Variants in HIPK1 observed in about 807,000 individuals in gnomAD.
HIPK1 encodes the protein homeodomain interacting protein kinase 1.
In HIPK1, 28 loss-of-function variants were observed where a neutral mutation model predicts 117.1. The ratio of observed to expected loss-of-function variants is 0.24; its 90% CI spans 0.18 to 0.33. The LOEUF is 0.33. Among genes scored for constraint, HIPK1 ranks in the 10% least tolerant of loss-of-function variants. HIPK1 has a pLI of 1.00. For synonymous variants in HIPK1, 605 were observed against 562.5 expected (o/e 1.08, Z -1.07); for missense variants, 1,122 against 1,475.1 (o/e 0.76, Z 3.92).
chr1:113,937,705 T>C (rs1339556259), intron 1 of HIPK1, among the ~76,000 whole-genome samples: 1 of 152,086 alleles, frequency 6.6e-6, no homozygotes, highest in Admixed American at 6.6e-5. Flanking sequence ...ATAAATACTT[T>C]CAAGTTAACA....
chr1:113,929,969 G>A (rs932401866), intron 1 of HIPK1: 3 of 985,116 alleles, frequency 3.0e-6, no homozygotes, highest in Non-Finnish European at 3.6e-6. Context: ...AGGGGTCCTC[G>A]GCGGGGAGCG....
Position 113,940,811 on chromosome 1 carries a change from C to A in HIPK1, c.428C>A (p.Pro143His). ...AGTGTGCAGATCATAGAAGAACATC[C>A]CCCTCTCATGCTGCAAAACAGGACT... ...NGSVQIIEEHPPLMLQNRTVV... is the reference protein window; with the variant it reads ...NGSVQIIEEHHPLMLQNRTVV... The change falls in exon 2 of 16, where the codon CCC becomes CAC. Residue 143 changes from proline to histidine, a missense_variant. This residue lies in a region of HIPK1 where 192 missense variants were observed against 234.0 expected (regional missense o/e 0.82). Transcript: ENST00000426820. 1 of 1,614,004 alleles carries A rather than the reference C, an allele frequency of 6.2e-7. No individual in the cohort carries two copies. Among genetic ancestry groups the A allele is most frequent in the East Asian group, 2.2e-5 (1 of 44,870 alleles).
At chr1:113,932,937 G>C (rs536257228) in intron 1 of HIPK1, among the ~76,000 whole-genome samples, 19 of 152,142 alleles carry the variant, frequency 1.2e-4, no homozygotes, top group Middle Eastern at 3.4e-3. Flanking sequence ...TTTTCCTTCA[G>C]CCTTTGCTGG....
Position 113,973,079 on chromosome 1 carries a change from CCCG to C in HIPK1, c.3202_3204del (p.Arg1069del). The C allele has an allele frequency of 6.5e-7, 1 of 1,535,388 alleles. No individual in the cohort carries two copies. Among genetic ancestry groups the C allele is most frequent in the Non-Finnish European group, 8.8e-7 (1 of 1,141,186 alleles). On this transcript the variant is annotated inframe_deletion, in exon 16 of 16. Transcript: ENST00000426820. The stretch of plus-strand genomic sequence containing the variant: ...CAGGAGAGAAGCAGCAACCCAGCCC[CCCG>C]CAGGCAGCAGGCGTTTGTGGCCCCT...
At chr1:113,963,271 A>G in intron 9 of HIPK1, 116 bp from the exon 10 acceptor site, 1 of 1,199,162 alleles carries the variant, frequency 8.3e-7, no homozygotes, top group Non-Finnish European at 1.2e-6. Flanking sequence ...TGCATTTTAG[A>G]TGCTATCAAA....
intron 1 of HIPK1, among the ~76,000 whole-genome samples, chr1:113,934,784 G>GAAAAAAAA (rs564619583): frequency 1.9e-5 from 1 of 51,524 alleles, no homozygotes; most frequent in African/African-American, 7.6e-5. Context: ...CCTCATCTCT[G>GAAAAAAAA]AAAAAAAAAA....
chr1:113,972,163 C>A, intron 15 of HIPK1: 1 of 1,379,268 alleles, frequency 7.3e-7, no homozygotes, highest in Non-Finnish European at 9.7e-7. Context: ...TCTAGGTTTT[C>A]CATCAGACCT....
rs192130199 is a variant in HIPK1 at position 113,947,987 on chromosome 1, A to T, written c.1077-4779A>T. Among the ~76,000 whole-genome samples the T allele has an allele frequency of 3.7e-3, 564 of 152,340 alleles. 1 individual carries two copies. Among genetic ancestry groups the T allele is most frequent in the Non-Finnish European group, 6.2e-3 (420 of 68,024 alleles). ...ACTCTGTTTCCTTATTACACAAATG[A>T]GGTAGAACCAGAGTTTTACGTGTCT... On this transcript the variant is annotated intron_variant, in intron 2 of 15. Coordinates refer to ENST00000426820, the MANE Select transcript of HIPK1 (RefSeq NM_198268.3).
chr1:113,966,922 A>ACT lies in HIPK1; in HGVS notation c.2381+655_2381+656dup, dbSNP rs559561271. ...CTTACCAGCCTCTGGTAACCATCCTACTCTCTATGTCCATGAATTAAATTG... is the reference window on the plus strand; with the variant it reads ...CTTACCAGCCTCTGGTAACCATCCTACTCTCTCTATGTCCATGAATTAAATTG... On this transcript the variant is annotated intron_variant, in intron 11 of 15. Coordinates refer to ENST00000426820, the MANE Select transcript of HIPK1 (RefSeq NM_198268.3). Among the ~76,000 whole-genome samples the ACT allele has an allele frequency of 2.6e-3, 381 of 146,400 alleles. 1 individual carries two copies. The highest frequency in any genetic ancestry group is 4.4e-3 in the Non-Finnish European group (294 of 67,054).
Position 113,929,410 on chromosome 1 carries a change from G to A in HIPK1, c.-125G>A. ...AGTGCGGAGGGGGCGGGAAGTCCAG[G>A]CCCCGCACTCGATCCACGCTGGCTC... is the stretch of plus-strand genomic sequence containing the variant. On this transcript the variant is annotated 5_prime_UTR_variant, in exon 1 of 16. Coordinates refer to ENST00000426820, the MANE Select transcript of HIPK1 (RefSeq NM_198268.3). 1 of 1,289,344 alleles carries A rather than the reference G, an allele frequency of 7.8e-7. No individual in the cohort carries two copies. Among genetic ancestry groups the A allele is most frequent in the Non-Finnish European group, 1.0e-6 (1 of 988,854 alleles). The allele number at this position is 1,289,344 out of a possible 1,614,324, so 79.9% of individuals were successfully genotyped here.
Position 113,933,241 on chromosome 1 carries a change from A to C in HIPK1, c.-3+3709A>C, listed in dbSNP as rs573924354. 6 of 960,824 alleles carry C rather than the reference A, an allele frequency of 6.2e-6. 1 individual carries two copies. In the East Asian group the frequency reaches 6.9e-4, roughly 110 times the overall value. The allele number at this position is 960,824 out of a possible 1,614,324, so 59.5% of individuals were successfully genotyped here. A position where few individuals can be genotyped will look rare whatever the true frequency, so the allele number is the denominator to read the frequency against. ...TTAAGCAGAGACTAGAAGGGTAAGT[A>C]AAAGTTAGGAAAAGAAAAGCCTAAG... On this transcript the variant is annotated intron_variant, in intron 1 of 15. Coordinates refer to ENST00000426820, the MANE Select transcript of HIPK1 (RefSeq NM_198268.3).
rs1190600843 is a variant in HIPK1, at chr1:113,954,813, C to G, written c.1320+43C>G. The G allele has an allele frequency of 3.3e-6, 5 of 1,528,104 alleles. No homozygotes were observed. The African/African-American group carries it at 4.1e-5, about 13-fold the overall frequency. The allele number at this position is 1,528,104 out of a possible 1,614,324, so 94.7% of individuals were successfully genotyped here. ...TGCTTCCGACTCCTGTACTCCACCC[C>G]TCACTCCCCAATTTTGAATTCAAAG... On this transcript the variant is annotated intron_variant, in intron 4 of 15. Coordinates refer to ENST00000426820, the MANE Select transcript of HIPK1 (RefSeq NM_198268.3).
intron 8 of HIPK1, among the ~76,000 whole-genome samples, chr1:113,958,568 G>A (rs538589409): frequency 6.6e-6 from 1 of 152,142 alleles, no homozygotes; most frequent in South Asian, 2.1e-4. Context: ...TTGTGTCAAT[G>A]TCGTACGTCT....
intron 2 of HIPK1, among the ~76,000 whole-genome samples, chr1:113,945,578 TAAG>T (rs1026567737): frequency 6.6e-6 from 1 of 152,246 alleles, no homozygotes; most frequent in Non-Finnish European, 1.5e-5. Flanking sequence ...CACCATTTGC[TAAG>T]AAGATTGTCC....
rs1030791365 is a variant in HIPK1, at chr1:113,943,927, A to C, written c.1076+2468A>C. On this transcript the variant is annotated intron_variant, in intron 2 of 15. Transcript: ENST00000426820. Reference sequence around the variant, plus strand: ...ACTCCTGGACTTGAGCAGTCCTCCCACTTCAGCCTCCCAAGTAGCTAGGAC... The same window carrying C: ...ACTCCTGGACTTGAGCAGTCCTCCCCCTTCAGCCTCCCAAGTAGCTAGGAC... Among the ~76,000 whole-genome samples, 5 of 152,094 alleles carry C rather than the reference A, an allele frequency of 3.3e-5. No homozygotes were observed. In the South Asian group the frequency reaches 1.0e-3, roughly 32 times the overall value.
At chr1:113,929,724 G>A in intron 1 of HIPK1, 192 bp downstream of exon 1, 2 of 860,356 alleles carry the variant, frequency 2.3e-6, no homozygotes. Context: ...CGGCGGCGGC[G>A]GCGGCGGGAA....
intron 3 of HIPK1, 36 bp from the exon 4 acceptor site, chr1:113,954,615 A>G: frequency 1.2e-6 from 2 of 1,608,550 alleles, no homozygotes; most frequent in Non-Finnish European, 1.7e-6. Flanking sequence ...TTCCCTTTTC[A>G]CTCCAAATAG....
chr1:113,958,308 C>G lies in HIPK1; in HGVS notation c.1981+17C>G. 2 of 1,556,712 alleles carry G rather than the reference C, an allele frequency of 1.3e-6. No homozygotes were observed. Among genetic ancestry groups the G allele is most frequent in the Non-Finnish European group, 1.8e-6 (2 of 1,131,316 alleles). On this transcript the variant is annotated intron_variant, in intron 8 of 15. Transcript: ENST00000426820. The stretch of plus-strand genomic sequence containing the variant: ...CGTTTCAAAGTAAGTGGGGAAACTC[C>G]TGTATCATATGGTATTGTATCAGAC...
Position 113,966,172 on chromosome 1 carries a change from A to C in HIPK1, c.2281A>C (p.Thr761Pro). The change falls in exon 11 of 16, where the codon ACT (threonine) becomes CCT (proline). Residue 761 changes from threonine to proline, a missense_variant. Coordinates refer to ENST00000426820, the MANE Select transcript of HIPK1 (RefSeq NM_198268.3). ...GACTCAGCAAATTCTCCTGCCTTCA[A>C]CTTGGCAACAGTTGCCTGGGGTAGC... ...GGTQQILLPS[T>P]WQQLPGVALH... is the part of the protein sequence containing the mutation. 1 of 1,613,654 alleles carries C rather than the reference A, an allele frequency of 6.2e-7. No individual in the cohort carries two copies. Among genetic ancestry groups the C allele is most frequent in the Non-Finnish European group, 8.5e-7 (1 of 1,179,878 alleles).
Sources: gnomAD v4.1 joint callset for allele counts (sites outside exome capture counted in the v4.1 genomes callset) on GRCh38, gnomAD v4.1.1 for gene constraint, gnomAD v4.1.1 regional missense constraint, MANE v1.5 for transcripts, NCBI Gene and HGNC (gene_info 2026-07-23, HGNC 2026-07-21) for gene names.